Variants in SUPT3H observed in about 807,000 individuals in gnomAD.
The protein encoded by SUPT3H is SPT3 homolog, SAGA and STAGA complex component.
SUPT3H carries 44 observed loss-of-function variants against 44.3 expected under a neutral mutation model. The ratio of observed to expected loss-of-function variants is 0.99; its 90% CI spans 0.78 to 1.28. SUPT3H has a LOEUF of 1.28. SUPT3H is among the 50% of genes most tolerant of loss of function. The probability of loss-of-function intolerance (pLI) is 0.00; values close to 1 mark genes in which losing one functional copy is unlikely to be tolerated. For synonymous variants in SUPT3H, 124 were observed against 125.6 expected, an observed-to-expected ratio of 0.99 and a Z score of 0.09; for missense variants, 380 against 387.1, an observed-to-expected ratio of 0.98 and a Z score of 0.15.
chr6:45,295,920 G>C (rs1468971066), intron 2 of SUPT3H, among the ~76,000 whole-genome samples: 1 of 152,050 alleles, frequency 6.6e-6, no homozygotes, highest in African/African-American at 2.4e-5. Flanking sequence ...ATGGTACGGA[G>C]ATTCTTTAAA....
chr6:45,318,841 T>C (rs903073099), intron 2 of SUPT3H, among the ~76,000 whole-genome samples: 2 of 152,134 alleles, frequency 1.3e-5, no homozygotes, highest in African/African-American at 4.8e-5. Flanking sequence ...AGTAAATCTA[T>C]ATTAACCATT....
intron 2 of SUPT3H, among the ~76,000 whole-genome samples, chr6:45,243,096 C>T (rs577790887): frequency 2.1e-5 from 3 of 139,746 alleles, no homozygotes; most frequent in African/African-American, 8.2e-5. Flanking sequence ...CGGGAGGCTG[C>T]GGTGGGAGGA....
chr6:45,133,697 C>T (rs183926088), intron 2 of SUPT3H, among the ~76,000 whole-genome samples: 2 of 152,276 alleles, frequency 1.3e-5, no homozygotes, highest in Admixed American at 1.3e-4. Context: ...CATCTGACAA[C>T]CCTCCAGATC....
At chr6:45,043,175 A>G (rs541097020) in intron 3 of SUPT3H, among the ~76,000 whole-genome samples, 11 of 150,708 alleles carry the variant, frequency 7.3e-5, no homozygotes, top group South Asian at 6.3e-4. Flanking sequence ...ACACACGCAC[A>G]CACACAAACA....
At chr6:45,376,208 C>T (rs1338593669) in intron 1 of SUPT3H, among the ~76,000 whole-genome samples, 3 of 152,194 alleles carry the variant, frequency 2.0e-5, no homozygotes, top group Non-Finnish European at 4.4e-5. Context: ...TAAATAAGTA[C>T]TAACAGACCC....
chr6:44,980,994 G>A lies in SUPT3H; in HGVS notation c.505-19166C>T, dbSNP rs571282107. On this transcript the variant is annotated intron_variant, in intron 6 of 10. Transcript: ENST00000371459. ...CATAACAACTCCTCAAGGAAGGCAA[G>A]TGACAGGAAAAGGGGTTTGACAAAT... Among the ~76,000 whole-genome samples, 10 of 152,304 alleles carry A rather than the reference G, an allele frequency of 6.6e-5. No individual in the cohort carries two copies. The South Asian group carries it at 2.1e-3, about 32-fold the overall frequency.
At chr6:45,145,527 T>G (rs1315996457) in intron 2 of SUPT3H, among the ~76,000 whole-genome samples, 1 of 152,086 alleles carries the variant, frequency 6.6e-6, no homozygotes. Context: ...TCAAGATGGA[T>G]CAAAGACTTA....
intron 3 of SUPT3H, among the ~76,000 whole-genome samples, chr6:45,083,249 T>A (rs915740264): frequency 6.6e-6 from 1 of 151,728 alleles, no homozygotes; most frequent in African/African-American, 2.4e-5. Flanking sequence ...CGGAGTGCAG[T>A]GGCGTTATCT....
intron 2 of SUPT3H, among the ~76,000 whole-genome samples, chr6:45,355,981 C>T (rs1041166990): frequency 6.6e-6 from 1 of 152,010 alleles, no homozygotes; most frequent in Admixed American, 6.5e-5. Flanking sequence ...CCATGAAAGG[C>T]TAATAGAACT....
intron 10 of SUPT3H, among the ~76,000 whole-genome samples, chr6:44,887,768 C>G (rs1762557564): frequency 1.3e-5 from 2 of 151,304 alleles, no homozygotes; most frequent in African/African-American, 4.9e-5. Context: ...TAACTAAAAT[C>G]AGAGCAGAAC....
chr6:45,366,308 G>A (rs1051161388), intron 1 of SUPT3H, among the ~76,000 whole-genome samples: 2 of 152,256 alleles, frequency 1.3e-5, no homozygotes, highest in African/African-American at 4.8e-5. Flanking sequence ...TCCCAGCTCC[G>A]CTCCTTTGCT....
At chr6:44,824,854 C>T (rs1267059022), downstream of SUPT3H, among the ~76,000 whole-genome samples, 1 of 152,128 alleles carries the variant, frequency 6.6e-6, no homozygotes, top group Non-Finnish European at 1.5e-5. Flanking sequence ...TTCCATACAC[C>T]ACTTCCCCCA....
At chr6:45,050,878 A>ATTTTTTTT (rs35575281) in intron 3 of SUPT3H, among the ~76,000 whole-genome samples, 3 of 86,170 alleles carry the variant, frequency 3.5e-5, no homozygotes, top group African/African-American at 8.6e-5. Flanking sequence ...AGGGTATGGG[A>ATTTTTTTT]TTTTTTTTTT....
chr6:45,165,060 A>G lies in SUPT3H; in HGVS notation c.102-59054T>C, dbSNP rs867749641. ...CCACCTAAGATTAAGGTTGAGAACT[A>G]AGAAATTTCCATTCTGTCCCCACTG... On this transcript the variant is annotated intron_variant, in intron 2 of 10. Transcript: ENST00000371459. Among the ~76,000 whole-genome samples the G allele has an allele frequency of 2.9e-4, 44 of 152,326 alleles. 1 individual carries two copies. Among genetic ancestry groups the G allele is most frequent in the Admixed American group, 1.1e-3 (17 of 15,292 alleles).
chr6:44,853,630 T>C (rs1337401375), intron 10 of SUPT3H, among the ~76,000 whole-genome samples: 1 of 152,160 alleles, frequency 6.6e-6, no homozygotes, highest in Non-Finnish European at 1.5e-5. Context: ...AAAAACTTAA[T>C]TACATACATA....
intron 2 of SUPT3H, among the ~76,000 whole-genome samples, chr6:45,242,030 A>C (rs1408815075): frequency 6.6e-6 from 1 of 152,230 alleles, no homozygotes; most frequent in African/African-American, 2.4e-5. Flanking sequence ...ACAGTATTCT[A>C]AATAACATTC....
At chr6:44,907,766 T>C (rs1766346718) in intron 10 of SUPT3H, among the ~76,000 whole-genome samples, 1 of 152,212 alleles carries the variant, frequency 6.6e-6, no homozygotes. Context: ...TTTTTCATCT[T>C]GTACACAACA....
At chr6:44,852,324 T>C (rs1773025744) in intron 10 of SUPT3H, among the ~76,000 whole-genome samples, 1 of 152,190 alleles carries the variant, frequency 6.6e-6, no homozygotes. Flanking sequence ...GGCTGAGGCA[T>C]GCTCAGACCT....
At chr6:45,328,584 A>G in intron 2 of SUPT3H, 1 of 1,583,184 alleles carries the variant, frequency 6.3e-7, no homozygotes, top group South Asian at 1.2e-5. Context: ...TTGACAGAAA[A>G]AAATAAATAT....
Sources: gnomAD v4.1 joint callset for allele counts (sites outside exome capture counted in the v4.1 genomes callset) on GRCh38, gnomAD v4.1.1 for gene constraint, MANE v1.5 for transcripts, NCBI Gene and HGNC (gene_info 2026-07-23, HGNC 2026-07-21) for gene names.